UPF1: variants seen among roughly 807,000 people sequenced by gnomAD.
UPF1 encodes regulator of nonsense transcripts 1.
Under a neutral mutation model 129.2 loss-of-function variants are expected in UPF1, and 9 were observed. That is an observed-to-expected ratio of 0.07 (90% CI 0.04 to 0.12). UPF1 has a LOEUF of 0.12. UPF1 is among the 10% of genes least tolerant of loss of function. The pLI is 1.00. For missense variants in UPF1, 788 were observed against 1,525.3 expected (o/e 0.52, Z 8.05); for synonymous variants, 649 against 644.9 (o/e 1.01, Z -0.10).
intron 1 of UPF1, among the ~76,000 whole-genome samples, chr19:18,843,569 A>G (rs1180304743): frequency 8.0e-6 from 1 of 124,786 alleles, no homozygotes; most frequent in Non-Finnish European, 1.6e-5. Flanking sequence ...CTCAGGCTGG[A>G]GTGCAGTGGT....
chr19:18,840,851 GGGTAACCCAGCCGGGCTTCTCA>G (rs1475166966), intron 1 of UPF1, among the ~76,000 whole-genome samples: 2 of 152,212 alleles, frequency 1.3e-5, no homozygotes, highest in Non-Finnish European at 2.9e-5. Flanking sequence ...CTTAAGAGCC[GGGTAACCCAGCCGGGCTTCTCA>G]GGTCCCGTGG....
intron 1 of UPF1, among the ~76,000 whole-genome samples, chr19:18,839,478 C>T (rs151051349): frequency 1.2e-3 from 180 of 152,300 alleles, no homozygotes; most frequent in African/African-American, 4.2e-3. Context: ...TCTCTGATTT[C>T]TCTTTCGCTC....
At chr19:18,855,537 G>A (rs944172478) in intron 11 of UPF1, 1 of 537,814 alleles carries the variant, frequency 1.9e-6, no homozygotes, top group Non-Finnish European at 3.3e-6. Flanking sequence ...GATGGTGCAA[G>A]TTCCAGCCTT....
In UPF1 at chr19:18,868,187, T is replaced by G. The variant is rs1274373006; in HGVS notation, c.*1670T>G. 1 of 238,526 alleles carries G rather than the reference T, an allele frequency of 4.2e-6. No homozygotes were observed. Among genetic ancestry groups the G allele is most frequent in the Non-Finnish European group, 8.4e-6 (1 of 118,874 alleles). 14.8% of individuals were successfully genotyped at this position (238,526 alleles called of 1,614,324 possible). A position where few individuals can be genotyped will look rare whatever the true frequency, so the allele number is the denominator to read the frequency against. On this transcript the variant is annotated 3_prime_UTR_variant, in exon 24 of 24. Coordinates refer to ENST00000262803, the MANE Select transcript of UPF1 (RefSeq NM_002911.4). ...TGTAACTTTTGATTTTCGGTCAATTTAAGTTCTTTTGTCACCAAATATTAA... is the reference window on the plus strand; with the variant it reads ...TGTAACTTTTGATTTTCGGTCAATTGAAGTTCTTTTGTCACCAAATATTAA...
chr19:18,840,269 T>C (rs1023373869), intron 1 of UPF1, among the ~76,000 whole-genome samples: 2 of 152,136 alleles, frequency 1.3e-5, no homozygotes, highest in Non-Finnish European at 2.9e-5. Context: ...TGTGTGTGCC[T>C]GTGGGAACTG....
chr19:18,845,955 C>T (rs770854588), intron 1 of UPF1, 25 bp from the exon 2 acceptor site: 2 of 1,612,422 alleles, frequency 1.2e-6, no homozygotes, highest in East Asian at 2.2e-5. Flanking sequence ...CAGCCTCACT[C>T]AGGTGACACT....
At chr19:18,838,956 G>C (rs1221995353) in intron 1 of UPF1, among the ~76,000 whole-genome samples, 2 of 152,060 alleles carry the variant, frequency 1.3e-5, no homozygotes, top group East Asian at 3.9e-4. Context: ...GGGGGATTAT[G>C]ACTAATACTA....
intron 15 of UPF1, chr19:18,859,868 G>GC (rs995588309): frequency 6.5e-6 from 1 of 154,578 alleles, no homozygotes; most frequent in African/African-American, 2.4e-5. Context: ...CAGAGGCAGA[G>GC]CCACCGGTCA....
At position 18,856,275 on chromosome 19, in the gene UPF1, G is replaced by A. The variant is rs1388762291; in HGVS notation, c.1799G>A (p.Arg600His). 2.5e-6 allele frequency: 4 copies of A among 1,602,200 alleles called. No individual in the cohort carries two copies. Among genetic ancestry groups the A allele is most frequent in the South Asian group, 1.1e-5 (1 of 90,882 alleles). The change falls in exon 13 of 24, where the codon CGC becomes CAC. Residue 600 changes from arginine (R) to histidine (H), a missense_variant. This residue lies in a region of UPF1 where 91 missense variants were observed against 157.2 expected (regional missense o/e 0.58). Coordinates refer to ENST00000262803, the MANE Select transcript of UPF1 (RefSeq NM_002911.4). Reference sequence around the variant, plus strand: ...GAGAAGCGGTACCGGGCCTTGAAGCGCACCGCAGAGAGAGAGCTGCTGATG... The same window carrying A: ...GAGAAGCGGTACCGGGCCTTGAAGCACACCGCAGAGAGAGAGCTGCTGATG... ...ADEKRYRALK[R>H]TAERELLMNA...
intron 10 of UPF1, 26 bp from the exon 11 acceptor site, chr19:18,855,098 G>A (rs750035143): frequency 1.3e-5 from 21 of 1,613,444 alleles, no homozygotes; most frequent in South Asian, 4.4e-5. Context: ...AGCGGAGGCT[G>A]CCCCTAACGG....
intron 6 of UPF1, among the ~76,000 whole-genome samples, chr19:18,852,614 G>T (rs1337987864): frequency 1.3e-5 from 2 of 152,070 alleles, no homozygotes; most frequent in Non-Finnish European, 2.9e-5. Context: ...GGCAACGGGA[G>T]CCCTGGAGCG....
rs62138060 is a variant in UPF1 at position 18,846,100 on chromosome 19, C to T, written c.352C>T (p.Leu118Phe). 1 of 1,614,074 alleles carries T rather than the reference C, an allele frequency of 6.2e-7. No homozygotes were observed. Among genetic ancestry groups the T allele is most frequent in the Non-Finnish European group, 8.5e-7 (1 of 1,180,002 alleles). ...AGAAGACACCTATTACACGAAGGACCTCCCCATACACGCCTGCAGGTGAGC... is the reference window on the plus strand; with the variant it reads ...AGAAGACACCTATTACACGAAGGACTTCCCCATACACGCCTGCAGGTGAGC... ...DEEDTYYTKD[L>F]PIHACSYCGI... is the part of the protein sequence containing the mutation. Residue 118 changes from leucine (L) to phenylalanine (F), a missense_variant, in exon 2 of 24, where the codon CTC (leucine) becomes TTC (phenylalanine). Coordinates refer to ENST00000262803, the MANE Select transcript of UPF1 (RefSeq NM_002911.4).
At chr19:18,834,593 C>G (rs966295870) in intron 1 of UPF1, among the ~76,000 whole-genome samples, 1 of 152,132 alleles carries the variant, frequency 6.6e-6, no homozygotes, top group Non-Finnish European at 1.5e-5. Context: ...TGTAATTGAC[C>G]CAGATGCCCC....
At chr19:18,848,497 C>T (rs1393748389) in intron 3 of UPF1, 1 of 152,286 alleles carries the variant, frequency 6.6e-6, no homozygotes, top group Non-Finnish European at 1.5e-5. Flanking sequence ...CACTCCACTG[C>T]TGGAGAGGAT....
At chr19:18,864,742 T>TTTTTG (rs2055822083) in intron 20 of UPF1, among the ~76,000 whole-genome samples, 1 of 140,020 alleles carries the variant, frequency 7.1e-6, no homozygotes, top group African/African-American at 2.7e-5. Flanking sequence ...TGTTTTTTTT[T>TTTTTG]TTTTTTTTTT....
At chr19:18,862,201 C>CT (rs2055788105) in intron 18 of UPF1, 49 bp downstream of exon 18, 1 of 1,598,472 alleles carries the variant, frequency 6.3e-7, no homozygotes, top group African/African-American at 1.3e-5. Flanking sequence ...TCGGTCCTCA[C>CT]TTCCCAGGGA....
Position 18,846,117 on chromosome 19 carries a change from C to T in UPF1, c.369C>T (p.Cys123=), listed in dbSNP as rs1192466164. Residue 123 remains cysteine, a splice_region_variant and synonymous_variant, in exon 2 of 24, where the codon TGC becomes TGT. Transcript: ENST00000262803. ...CGAAGGACCTCCCCATACACGCCTG[C>T]AGGTGAGCTGAGCTCAGCTGGGCCT... ...YYTKDLPIHA[C]SYCGIHDPAC... 6.2e-7 allele frequency: 1 copy of T among 1,613,938 alleles called. No individual in the cohort carries two copies. The highest frequency in any genetic ancestry group is 8.5e-7 in the Non-Finnish European group (1 of 1,179,956).
At chr19:18,854,423 T>C (rs1463961374) in intron 8 of UPF1, among the ~76,000 whole-genome samples, 178 bp from the exon 9 acceptor site, 1 of 152,234 alleles carries the variant, frequency 6.6e-6, no homozygotes, top group Non-Finnish European at 1.5e-5. Context: ...TCTTCAAGGA[T>C]GCTGTCCTTC....
chr19:18,848,388 A>C (rs1215703863), intron 3 of UPF1: 4 of 155,044 alleles, frequency 2.6e-5, no homozygotes, highest in African/African-American at 9.7e-5. Flanking sequence ...CCAAATTCCA[A>C]GGGGGGAGTT....
Sources: allele counts gnomAD v4.1 joint callset (sites outside exome capture counted in the v4.1 genomes callset), GRCh38; gene constraint gnomAD v4.1.1; regional missense constraint gnomAD v4.1.1; transcripts MANE v1.5; gene names NCBI Gene and HGNC (gene_info 2026-07-23, HGNC 2026-07-21).